SLC26A3: variants seen among roughly 807,000 people sequenced by gnomAD.
The protein encoded by SLC26A3 is chloride anion exchanger.
In SLC26A3, 64 loss-of-function variants were observed where a neutral mutation model predicts 85.6. That is an observed-to-expected ratio of 0.75 (90% CI 0.61 to 0.92). SLC26A3 has a LOEUF of 0.92. SLC26A3 is among the 40% of genes least tolerant of loss of function. The pLI is 0.00. For synonymous variants in SLC26A3, 349 were observed against 336.0 expected, an observed-to-expected ratio of 1.04 and a Z score of -0.42; for missense variants, 922 against 927.3, an observed-to-expected ratio of 0.99 and a Z score of 0.07.
intron 1 of SLC26A3, among the ~76,000 whole-genome samples, chr7:107,795,666 A>G (rs1041567986): frequency 6.6e-6 from 1 of 152,142 alleles, no homozygotes; most frequent in Non-Finnish European, 1.5e-5. Flanking sequence ...TTTCTATGTC[A>G]TGCAGCTTCT....
intron 12 of SLC26A3, among the ~76,000 whole-genome samples, chr7:107,778,526 G>A (rs1320232388): frequency 6.6e-6 from 1 of 151,868 alleles, no homozygotes. Context: ...CAGGTTCTGG[G>A]CCACAAAAAC....
At chr7:107,792,255 G>C (rs557195993) in intron 3 of SLC26A3, among the ~76,000 whole-genome samples, 21 of 152,258 alleles carry the variant, frequency 1.4e-4, no homozygotes, top group Admixed American at 7.2e-4. Flanking sequence ...TAGGGAAGGG[G>C]AGATGGTTTT....
chr7:107,767,036 A>C (rs1464256546), intron 20 of SLC26A3, among the ~76,000 whole-genome samples: 1 of 152,180 alleles, frequency 6.6e-6, no homozygotes, highest in Non-Finnish European at 1.5e-5. Context: ...ACATTGCTTT[A>C]AAGGACTGAA....
At position 107,765,747 on chromosome 7, in the gene SLC26A3, CT is replaced by C; in HGVS notation, c.*107del. 2 of 836,678 alleles carry C rather than the reference CT, an allele frequency of 2.4e-6. No individual in the cohort carries two copies. Among genetic ancestry groups the C allele is most frequent in the Non-Finnish European group, 4.1e-6 (2 of 493,480 alleles). 51.8% of individuals were successfully genotyped at this position (836,678 alleles called of 1,614,324 possible). A position where few individuals can be genotyped will look rare whatever the true frequency, so the allele number is the denominator to read the frequency against. On this transcript the variant is annotated 3_prime_UTR_variant, in exon 21 of 21. Transcript: ENST00000340010. ...CTTGTTCCAAAGTTTGAAACATATT[CT>C]GTCAAAAATACTCTTCGTACAATGT...
At chr7:107,802,074 A>G (rs1040001897) in intron 1 of SLC26A3, among the ~76,000 whole-genome samples, 3 of 149,656 alleles carry the variant, frequency 2.0e-5, no homozygotes, top group Non-Finnish European at 1.5e-5. Context: ...CCTGGGCGAC[A>G]GAGTGAGAAT....
chr7:107,796,769 C>A (rs1794508910), intron 1 of SLC26A3, among the ~76,000 whole-genome samples: 1 of 132,806 alleles, frequency 7.5e-6, no homozygotes. Flanking sequence ...AGGAACCAAC[C>A]TAGCCAACCT....
chr7:107,791,896 A>AC lies in SLC26A3; in HGVS notation c.315dup (p.Leu106ValfsTer56). On this transcript the variant is annotated frameshift_variant, in exon 4 of 21. Coordinates refer to ENST00000340010, the MANE Select transcript of SLC26A3 (RefSeq NM_000111.3). LOFTEE classifies it high-confidence loss of function. Reference sequence around the variant, plus strand: ...ATGGCTGGGAAAAAGGATGCATACAACCCATAGACTGGGGGAATGTCGACC... The same window carrying AC: ...ATGGCTGGGAAAAAGGATGCATACAACCCCATAGACTGGGGGAATGTCGACC... The AC allele has an allele frequency of 6.2e-7, 1 of 1,613,922 alleles. No homozygotes were observed. Among genetic ancestry groups the AC allele is most frequent in the Non-Finnish European group, 8.5e-7 (1 of 1,179,820 alleles).
At chr7:107,771,642 G>T (rs1289843648) in intron 18 of SLC26A3, among the ~76,000 whole-genome samples, 2 of 152,114 alleles carry the variant, frequency 1.3e-5, no homozygotes, top group Non-Finnish European at 2.9e-5. Context: ...TGAGATGAAG[G>T]CCGTTAATCC....
chr7:107,799,081 C>A (rs890693396), intron 1 of SLC26A3, among the ~76,000 whole-genome samples: 62 of 152,184 alleles, frequency 4.1e-4, no homozygotes, highest in African/African-American at 1.4e-3. Context: ...ATGATGGCAT[C>A]AGAATGGGAG....
chr7:107,802,525 TC>T (rs973137078), intron 1 of SLC26A3, among the ~76,000 whole-genome samples: 1 of 152,016 alleles, frequency 6.6e-6, no homozygotes, highest in Non-Finnish European at 1.5e-5. Flanking sequence ...AGACCATATG[TC>T]CCCTACCCCC....
intron 8 of SLC26A3, among the ~76,000 whole-genome samples, chr7:107,784,388 T>C (rs1794258058): frequency 6.6e-6 from 1 of 152,220 alleles, no homozygotes; most frequent in Non-Finnish European, 1.5e-5. Context: ...ATTTCCTGGC[T>C]CTGCCACTTG....
At chr7:107,790,931 G>T in intron 5 of SLC26A3, 117 bp downstream of exon 5, 2 of 1,085,140 alleles carry the variant, frequency 1.8e-6, no homozygotes, top group Admixed American at 2.0e-5. Context: ...GGCCATGAGG[G>T]AGAGACAAAC....
At chr7:107,767,674 A>G (rs775808764) in intron 19 of SLC26A3, 30 bp from the exon 20 acceptor site, 2 of 1,602,730 alleles carry the variant, frequency 1.2e-6, no homozygotes, top group Admixed American at 1.7e-5. Context: ...AATATGGATT[A>G]GGGGCTGATT....
chr7:107,799,681 C>T (rs73725109), intron 1 of SLC26A3, among the ~76,000 whole-genome samples: 5,529 of 152,254 alleles, frequency 0.036, 160 homozygotes, highest in African/African-American at 0.075. Context: ...CGTGAGCACC[C>T]GGCCCAAGGC....
At chr7:107,786,215 C>A (rs914665220) in intron 8 of SLC26A3, among the ~76,000 whole-genome samples, 2 of 152,156 alleles carry the variant, frequency 1.3e-5, no homozygotes, top group African/African-American at 4.8e-5. Context: ...TCAAACAAAG[C>A]ATTACATATT....
intron 17 of SLC26A3, among the ~76,000 whole-genome samples, 196 bp downstream of exon 17, chr7:107,773,724 T>C (rs1357960410): frequency 6.6e-6 from 1 of 152,192 alleles, no homozygotes; most frequent in African/African-American, 2.4e-5. Flanking sequence ...CTGATTTTTG[T>C]ATTTTTAGTA....
chr7:107,773,907 A>G lies in SLC26A3; in HGVS notation c.2007+13T>C. On this transcript the variant is annotated intron_variant, in intron 17 of 20. Transcript: ENST00000340010. ...CATTGATTGGTTGTTTCCATTAAGA[A>G]CAAAGAAATTACCGATTTAAGGCCC... 6.3e-7 allele frequency: 1 copy of G among 1,595,060 alleles called. No individual in the cohort carries two copies. Among genetic ancestry groups the G allele is most frequent in the South Asian group, 1.1e-5 (1 of 90,602 alleles).
intron 12 of SLC26A3, 132 bp from the exon 13 acceptor site, chr7:107,778,413 T>C (rs943563261): frequency 3.2e-6 from 2 of 616,042 alleles, no homozygotes; most frequent in Non-Finnish European, 5.5e-6. Context: ...ATAAAAAAAA[T>C]TTAAAAATTT....
intron 5 of SLC26A3, 85 bp from the exon 6 acceptor site, chr7:107,789,773 C>A: frequency 7.2e-7 from 1 of 1,396,088 alleles, no homozygotes; most frequent in Non-Finnish European, 9.9e-7. Context: ...AATAATATTA[C>A]ACAAAACGTA....
Sources: allele counts gnomAD v4.1 joint callset (sites outside exome capture counted in the v4.1 genomes callset), GRCh38; gene constraint gnomAD v4.1.1; transcripts MANE v1.5; gene names NCBI Gene and HGNC (gene_info 2026-07-23, HGNC 2026-07-21).